MINDY3: variants seen among roughly 807,000 people sequenced by gnomAD.
MINDY3 encodes ubiquitin carboxyl-terminal hydrolase MINDY-3.
A neutral mutation model predicts 69.2 loss-of-function variants in MINDY3; 38 were observed. That is an observed-to-expected ratio of 0.55 (90% CI 0.42 to 0.72). MINDY3 has a LOEUF of 0.72. Among genes scored for constraint, MINDY3 ranks in the 30% least tolerant of loss-of-function variants. The pLI, the probability that MINDY3 is intolerant of heterozygous loss-of-function variation, is 0.00. For missense variants in MINDY3, 522 were observed against 519.0 expected (o/e 1.01, Z -0.06); for synonymous variants, 192 against 180.1 (o/e 1.07, Z -0.53).
At chr10:15,843,426 C>T (rs1025228305) in intron 2 of MINDY3, among the ~76,000 whole-genome samples, 154 bp from the exon 3 acceptor site, 1 of 152,030 alleles carries the variant, frequency 6.6e-6, no homozygotes, top group African/African-American at 2.4e-5. Flanking sequence ...TCACATTTGA[C>T]AGGAACTGTG....
intron 1 of MINDY3, among the ~76,000 whole-genome samples, chr10:15,852,395 C>T (rs1834368130): frequency 6.6e-6 from 1 of 152,054 alleles, no homozygotes; most frequent in Non-Finnish European, 1.5e-5. Context: ...TAGTTCAGGG[C>T]AGGACTTAGG....
intron 2 of MINDY3, among the ~76,000 whole-genome samples, chr10:15,843,759 G>T (rs1323666236): frequency 6.6e-6 from 1 of 152,036 alleles, no homozygotes; most frequent in East Asian, 1.9e-4. Context: ...ACTCAAAAAG[G>T]TACAAGATTC....
At chr10:15,809,016 A>C (rs1838821083) in intron 10 of MINDY3, among the ~76,000 whole-genome samples, 1 of 152,326 alleles carries the variant, frequency 6.6e-6, no homozygotes, top group South Asian at 2.1e-4. Flanking sequence ...AAATTCTAGT[A>C]ATATTTAAAG....
At chr10:15,853,521 G>C (rs1183590193) in intron 1 of MINDY3, among the ~76,000 whole-genome samples, 1 of 151,938 alleles carries the variant, frequency 6.6e-6, no homozygotes, top group Non-Finnish European at 1.5e-5. Context: ...CACAACTACA[G>C]AGCCAATTTA....
Position 15,796,012 on chromosome 10 carries a change from T to G in MINDY3, c.955+88A>C, listed in dbSNP as rs542418400. Reference sequence around the variant, plus strand: ...ACTTACATTTCATTAAATAATCCAATATATCTTTTGAATAAAATCAGGTCG... The same window carrying G: ...ACTTACATTTCATTAAATAATCCAAGATATCTTTTGAATAAAATCAGGTCG... On this transcript the variant is annotated intron_variant, in intron 11 of 14. Transcript: ENST00000277632. 3 of 978,142 alleles carry G rather than the reference T, an allele frequency of 3.1e-6. No individual in the cohort carries two copies. The East Asian group carries it at 7.2e-5, about 24-fold the overall frequency. 60.6% of individuals were successfully genotyped at this position (978,142 alleles called of 1,614,324 possible). A position where few individuals can be genotyped will look rare whatever the true frequency, so the allele number is the denominator to read the frequency against.
chr10:15,791,979 A>G (rs993455729), intron 11 of MINDY3, among the ~76,000 whole-genome samples: 1 of 152,138 alleles, frequency 6.6e-6, no homozygotes, highest in Non-Finnish European at 1.5e-5. Flanking sequence ...AAACTAACAG[A>G]GAAGCTGGAA....
chr10:15,796,156 G>A lies in MINDY3; in HGVS notation c.899C>T (p.Ala300Val), dbSNP rs767524013. The A allele has an allele frequency of 8.7e-6, 14 of 1,612,310 alleles. No individual in the cohort carries two copies. In the South Asian group the frequency reaches 1.2e-4, roughly 14 times the overall value. The change falls in exon 11 of 15, where the codon GCC becomes GTC. Residue 300 changes from alanine to valine, a missense_variant. Coordinates refer to ENST00000277632, the MANE Select transcript of MINDY3 (RefSeq NM_024948.4). ...GGCTTGTTCTGAAGGAGCTTCAGGG[G>A]CAACTAAAGCCATATCCTGAAAAGA... is the stretch of plus-strand genomic sequence containing the variant. ...VFFAKDMALVAPEAPSEQARR... is the reference protein window; with the variant it reads ...VFFAKDMALVVPEAPSEQARR...
chr10:15,805,669 C>T (rs942515146), intron 10 of MINDY3, among the ~76,000 whole-genome samples: 1 of 152,138 alleles, frequency 6.6e-6, no homozygotes, highest in Non-Finnish European at 1.5e-5. Flanking sequence ...TCAGATTCAG[C>T]CAGAGAAATA....
chr10:15,824,059 C>T lies in MINDY3; in HGVS notation c.731-2333G>A, dbSNP rs150622953. On this transcript the variant is annotated intron_variant, in intron 8 of 14. Coordinates refer to ENST00000277632, the MANE Select transcript of MINDY3 (RefSeq NM_024948.4). ...ATGGACACTTAGGTTGATTCCCTAG[C>T]TTTGCTACTGTGAATGGTGCTGCAA... Among the ~76,000 whole-genome samples, 367 of 152,282 alleles carry T rather than the reference C, an allele frequency of 2.4e-3. 2 individuals carry two copies. The highest frequency in any genetic ancestry group is 7.5e-3 in the African/African-American group (313 of 41,564).
chr10:15,812,799 C>G (rs1216751345), intron 10 of MINDY3, among the ~76,000 whole-genome samples: 1 of 152,194 alleles, frequency 6.6e-6, no homozygotes, highest in African/African-American at 2.4e-5. Context: ...TCAACAACAG[C>G]AAAGCTGCTA....
At chr10:15,834,076 C>T (rs1588618987) in intron 7 of MINDY3, among the ~76,000 whole-genome samples, 1 of 151,586 alleles carries the variant, frequency 6.6e-6, no homozygotes, top group Admixed American at 6.6e-5. Context: ...ATCTTTCAGG[C>T]AGAAAGGTCT....
intron 9 of MINDY3, among the ~76,000 whole-genome samples, chr10:15,818,668 T>C (rs1315354382): frequency 6.6e-6 from 1 of 152,074 alleles, no homozygotes; most frequent in Non-Finnish European, 1.5e-5. Context: ...AGGAATGAAA[T>C]ACTAACACAT....
At chr10:15,843,680 T>C (rs1040825052) in intron 2 of MINDY3, among the ~76,000 whole-genome samples, 2 of 152,128 alleles carry the variant, frequency 1.3e-5, no homozygotes, top group African/African-American at 4.8e-5. Context: ...TCTGTTCCCT[T>C]AGTCTTCATC....
intron 1 of MINDY3, among the ~76,000 whole-genome samples, chr10:15,848,985 T>C (rs1351089343): frequency 6.6e-6 from 1 of 152,216 alleles, no homozygotes; most frequent in Non-Finnish European, 1.5e-5. Context: ...ATGCCAATCA[T>C]CTAGGATATA....
At chr10:15,793,141 A>G (rs557744423) in intron 11 of MINDY3, among the ~76,000 whole-genome samples, 1 of 152,244 alleles carries the variant, frequency 6.6e-6, no homozygotes, top group East Asian at 1.9e-4. Flanking sequence ...CCTATAAAAC[A>G]TGTACCTGAA....
At chr10:15,818,471 A>G (rs1008506524) in intron 9 of MINDY3, among the ~76,000 whole-genome samples, 2 of 152,208 alleles carry the variant, frequency 1.3e-5, no homozygotes, top group Non-Finnish European at 2.9e-5. Flanking sequence ...AGTTAAAAAT[A>G]GAATTACTGT....
At chr10:15,820,017 G>A (rs1228606369) in intron 9 of MINDY3, among the ~76,000 whole-genome samples, 1 of 152,098 alleles carries the variant, frequency 6.6e-6, no homozygotes, top group African/African-American at 2.4e-5. Context: ...TATGTACCTA[G>A]CAATGTCCCA....
At chr10:15,792,120 G>A (rs1302129723) in intron 11 of MINDY3, among the ~76,000 whole-genome samples, 1 of 151,870 alleles carries the variant, frequency 6.6e-6, no homozygotes, top group South Asian at 2.1e-4. Context: ...AAAAAAAATA[G>A]AATTTAATAA....
intron 1 of MINDY3, chr10:15,857,825 A>G (rs551882092): frequency 9.2e-5 from 45 of 487,318 alleles, no homozygotes; most frequent in Non-Finnish European, 1.1e-4. Context: ...AAAAGAATTT[A>G]ACTTGATCAA....
Sources: gnomAD v4.1 joint callset for allele counts (sites outside exome capture counted in the v4.1 genomes callset) on GRCh38, gnomAD v4.1.1 for gene constraint, MANE v1.5 for transcripts, NCBI Gene and HGNC (gene_info 2026-07-23, HGNC 2026-07-21) for gene names.